The following TMEM40 variants were observed in gnomAD, a reference collection of about 807,000 sequenced individuals.
TMEM40 encodes transmembrane protein 40.
TMEM40 carries 34 observed loss-of-function variants against 40.8 expected under a neutral mutation model. The ratio of observed to expected loss-of-function variants is 0.83; its 90% CI spans 0.63 to 1.11. TMEM40 has a LOEUF of 1.11. Ranked by LOEUF, TMEM40 falls within the 50% of genes least tolerant of loss-of-function variation. The pLI is 0.00. For missense variants in TMEM40, 296 were observed against 280.2 expected, an observed-to-expected ratio of 1.06 and a Z score of -0.40; for synonymous variants, 106 against 107.0, an observed-to-expected ratio of 0.99 and a Z score of 0.06.
chr3:12,734,742 G>A lies in TMEM40; in HGVS notation c.*32C>T, dbSNP rs762003898. 139 of 1,584,688 alleles carry A rather than the reference G, an allele frequency of 8.8e-5. No individual in the cohort carries two copies. In the East Asian group the frequency reaches 3.1e-3, roughly 36 times the overall value. ...GGGGTCGCAGTGGTGGTCACACTGG[G>A]GCCTGCCTCTGCTGCCCACCTGGAA... On this transcript the variant is annotated 3_prime_UTR_variant, in exon 12 of 12. Transcript: ENST00000314124.
At chr3:12,741,812 G>A (rs1559526380) in intron 5 of TMEM40, among the ~76,000 whole-genome samples, 1 of 151,552 alleles carries the variant, frequency 6.6e-6, no homozygotes, top group Non-Finnish European at 1.5e-5. Flanking sequence ...AAAGAAAGAA[G>A]GACCAGGTGC....
Position 12,748,845 on chromosome 3 carries a change from A to G in TMEM40, c.74-53T>C. 3 of 1,448,378 alleles carry G rather than the reference A, an allele frequency of 2.1e-6. 1 individual carries two copies. Among genetic ancestry groups the G allele is most frequent in the Non-Finnish European group, 9.4e-7 (1 of 1,063,394 alleles). The allele number at this position is 1,448,378 out of a possible 1,614,324, so 89.7% of individuals were successfully genotyped here. On this transcript the variant is annotated intron_variant, in intron 2 of 11. Transcript: ENST00000314124. ...GAGCGTTTCCCACCCTTCCCACCCC[A>G]GGGACCACCCAGTCCTCTCCAGGGT...
At chr3:12,750,014 G>A (rs1015133656) in intron 1 of TMEM40, among the ~76,000 whole-genome samples, 174 bp from the exon 2 acceptor site, 1 of 152,192 alleles carries the variant, frequency 6.6e-6, no homozygotes, top group Non-Finnish European at 1.5e-5. Flanking sequence ...CGGGGTAGTG[G>A]AGGGAGGAGG....
intron 3 of TMEM40, among the ~76,000 whole-genome samples, chr3:12,747,825 C>T (rs1343718793): frequency 1.4e-5 from 2 of 147,816 alleles, no homozygotes; most frequent in Non-Finnish European, 3.0e-5. Flanking sequence ...GCAGGAGAAT[C>T]GCTTGAGCCC....
intron 3 of TMEM40, among the ~76,000 whole-genome samples, chr3:12,746,944 C>T (rs368076072): frequency 6.6e-6 from 1 of 152,122 alleles, no homozygotes; most frequent in African/African-American, 2.4e-5. Flanking sequence ...CAAACAGCCC[C>T]CTGCCTGCAC....
chr3:12,766,301 T>G (rs2061594499), intron 1 of TMEM40, among the ~76,000 whole-genome samples: 1 of 152,004 alleles, frequency 6.6e-6, no homozygotes, highest in Non-Finnish European at 1.5e-5. Flanking sequence ...CTGCTATAAA[T>G]ATTCATATAC....
intron 5 of TMEM40, among the ~76,000 whole-genome samples, chr3:12,740,468 G>A (rs189157586): frequency 6.1e-4 from 92 of 151,030 alleles, no homozygotes; most frequent in Admixed American, 1.2e-3. Flanking sequence ...TTGGGAGGCC[G>A]AGGCGGGTGG....
At position 12,738,639 on chromosome 3, in the gene TMEM40, G is replaced by C. The variant is rs984797671; in HGVS notation, c.356-51C>G. 5.0e-6 allele frequency: 8 copies of C among 1,587,078 alleles called. No homozygotes were observed. The African/African-American group carries it at 6.7e-5, about 13-fold the overall frequency. ...ATATACCCATGATCCTCTGGGGGGG[G>C]AGAAGTCATGCTTCAGGGAAGGTGG... On this transcript the variant is annotated intron_variant, in intron 5 of 11. Transcript: ENST00000314124.
intron 1 of TMEM40, among the ~76,000 whole-genome samples, chr3:12,753,256 T>C: frequency 7.6e-6 from 1 of 130,866 alleles, no homozygotes; most frequent in East Asian, 2.6e-4. Flanking sequence ...TCTCACTCTA[T>C]CACCCAGGCT....
intron 1 of TMEM40, among the ~76,000 whole-genome samples, chr3:12,755,670 T>C (rs993483508): frequency 6.6e-6 from 1 of 152,188 alleles, no homozygotes; most frequent in Non-Finnish European, 1.5e-5. Flanking sequence ...TAATAGTATA[T>C]AGTTTAGCCC....
intron 1 of TMEM40, among the ~76,000 whole-genome samples, chr3:12,765,566 CT>C (rs530745103): frequency 0.39 from 48,659 of 125,418 alleles, 8,151 homozygotes; most frequent in Non-Finnish European, 0.48. Flanking sequence ...TGTTTGATTA[CT>C]TTTTTTTTTT....
chr3:12,734,938 A>C, intron 11 of TMEM40, 145 bp from the exon 12 acceptor site: 1 of 834,770 alleles, frequency 1.2e-6, no homozygotes, highest in Non-Finnish European at 1.9e-6. Flanking sequence ...AACCACAGTC[A>C]TAATAGCTAG....
At chr3:12,738,413 C>T in intron 6 of TMEM40, 140 bp downstream of exon 6, 1 of 1,085,076 alleles carries the variant, frequency 9.2e-7, no homozygotes. Context: ...GCTTGATGAG[C>T]CTAGGCTAAG....
chr3:12,759,083 C>G (rs894650583), intron 1 of TMEM40, 108 bp downstream of exon 1: 1 of 152,126 alleles, frequency 6.6e-6, no homozygotes, highest in African/African-American at 2.4e-5. Flanking sequence ...AAACCCAGGT[C>G]CACCAAGGAA....
intron 3 of TMEM40, 122 bp downstream of exon 3, chr3:12,748,533 A>G (rs1018598245): frequency 3.9e-5 from 53 of 1,360,576 alleles, no homozygotes; most frequent in Non-Finnish European, 5.1e-5. Flanking sequence ...CGGCTCTAGA[A>G]GAGAATGTGG....
chr3:12,738,455 G>T (rs758914145), intron 6 of TMEM40, 98 bp downstream of exon 6: 7 of 1,367,112 alleles, frequency 5.1e-6, no homozygotes, highest in Non-Finnish European at 6.2e-6. Context: ...TCAGAGCCAG[G>T]TATCCCAACA....
chr3:12,738,609 T>A (rs765338281), intron 5 of TMEM40, 21 bp from the exon 6 acceptor site: 1 of 1,612,050 alleles, frequency 6.2e-7, no homozygotes. Context: ...AGGAAATCAG[T>A]GATCATATAC....
At chr3:12,745,428 TA>T (rs1198841247) in intron 3 of TMEM40, among the ~76,000 whole-genome samples, 11 of 152,074 alleles carry the variant, frequency 7.2e-5, no homozygotes, top group African/African-American at 2.7e-4. Context: ...AACATTGTTT[TA>T]GCTTTCTCTG....
At chr3:12,764,155 C>T (rs533538611), upstream of TMEM40, among the ~76,000 whole-genome samples, 2 of 152,216 alleles carry the variant, frequency 1.3e-5, no homozygotes, top group African/African-American at 4.8e-5. Flanking sequence ...CTCAGATAAT[C>T]CACCCGCCTC....
Sources: gnomAD v4.1 joint callset for allele counts (sites outside exome capture counted in the v4.1 genomes callset) on GRCh38, gnomAD v4.1.1 for gene constraint, MANE v1.5 for transcripts, NCBI Gene and HGNC (gene_info 2026-07-23, HGNC 2026-07-21) for gene names.